Variants in NRF1 observed in about 807,000 individuals in gnomAD.
NRF1 encodes the protein nuclear respiratory factor 1, also known as alpha palindromic-binding protein.
Under a neutral mutation model 58.5 loss-of-function variants are expected in NRF1, and 5 were observed. The observed-to-expected ratio is 0.09, with a 90% CI of 0.04 to 0.18. NRF1 has a LOEUF of 0.18. NRF1 is among the 10% of genes least tolerant of loss of function. The pLI is 1.00. For synonymous variants in NRF1, 224 were observed against 246.7 expected (o/e 0.91, Z 0.86); for missense variants, 288 against 657.7 (o/e 0.44, Z 6.15).
intron 4 of NRF1, among the ~76,000 whole-genome samples, chr7:129,683,857 T>C (rs767472562): frequency 6.6e-6 from 1 of 151,910 alleles, no homozygotes; most frequent in Non-Finnish European, 1.5e-5. Context: ...GGTCTTGAAC[T>C]CCTAACCTCA....
chr7:129,613,328 C>T (rs1036217135), intron 1 of NRF1, among the ~76,000 whole-genome samples: 12 of 151,974 alleles, frequency 7.9e-5, no homozygotes, highest in African/African-American at 2.9e-4. Flanking sequence ...ATTAGTATCC[C>T]GACTCCCTAA....
Position 129,653,201 on chromosome 7 carries a change from T to G in NRF1, c.-6-4145T>G, listed in dbSNP as rs1395389456. On this transcript the variant is annotated intron_variant, in intron 1 of 10. Transcript: ENST00000393232. The stretch of plus-strand genomic sequence containing the variant: ...TTGTTCTTTTTTGTGGCTGGCTTAT[T>G]TCACTGAGCAGAATATCCTCAAGGT... Among the ~76,000 whole-genome samples, 5 of 152,336 alleles carry G rather than the reference T, an allele frequency of 3.3e-5. No homozygotes were observed. In the East Asian group the frequency reaches 9.6e-4, roughly 29 times the overall value.
chr7:129,719,584 C>T (rs562182616), intron 9 of NRF1, among the ~76,000 whole-genome samples: 1 of 151,556 alleles, frequency 6.6e-6, no homozygotes, highest in Admixed American at 6.6e-5. Context: ...CCCTAGTGAT[C>T]AGAACATTTT....
At chr7:129,745,511 C>CA (rs1009190445) in intron 10 of NRF1, among the ~76,000 whole-genome samples, 2 of 149,234 alleles carry the variant, frequency 1.3e-5, no homozygotes, top group Non-Finnish European at 3.0e-5. Context: ...CCTCAACCCC[C>CA]CCCCCATCCA....
intron 5 of NRF1, among the ~76,000 whole-genome samples, chr7:129,698,358 G>A (rs1398409792): frequency 6.6e-6 from 1 of 150,546 alleles, no homozygotes; most frequent in African/African-American, 2.4e-5. Context: ...GGGTCTGCAC[G>A]TTAGAAAACT....
chr7:129,617,411 A>T (rs1158599405), intron 1 of NRF1, among the ~76,000 whole-genome samples: 1 of 152,182 alleles, frequency 6.6e-6, no homozygotes, highest in Non-Finnish European at 1.5e-5. Flanking sequence ...TGCGCAGTGG[A>T]CTAGAAATGG....
At chr7:129,628,484 T>C (rs545042965) in intron 1 of NRF1, among the ~76,000 whole-genome samples, 5 of 152,130 alleles carry the variant, frequency 3.3e-5, no homozygotes, top group South Asian at 4.1e-4. Context: ...AATATTTTAA[T>C]TATGTTACTA....
rs369435699 is a variant in NRF1 at position 129,669,974 on chromosome 7, A to C, written c.224-1455A>C. Among the ~76,000 whole-genome samples the C allele has an allele frequency of 3.9e-5, 6 of 152,322 alleles. 1 individual carries two copies. The highest frequency in any genetic ancestry group is 1.9e-4 in the East Asian group (1 of 5,188). Reference sequence around the variant, plus strand: ...ACCAGCGGATGAATGGCTAAAGCAAATGTGATCTGTATGTACAATGGAACA... The same window carrying C: ...ACCAGCGGATGAATGGCTAAAGCAACTGTGATCTGTATGTACAATGGAACA... On this transcript the variant is annotated intron_variant, in intron 2 of 10. Coordinates refer to ENST00000393232, the MANE Select transcript of NRF1 (RefSeq NM_005011.5).
At chr7:129,710,204 A>G (rs1562978627) in intron 6 of NRF1, among the ~76,000 whole-genome samples, 170 bp from the exon 7 acceptor site, 1 of 152,182 alleles carries the variant, frequency 6.6e-6, no homozygotes, top group Non-Finnish European at 1.5e-5. Context: ...GATACTTCGT[A>G]CACAGCTTCT....
intron 8 of NRF1, among the ~76,000 whole-genome samples, chr7:129,715,615 T>C (rs1803167537): frequency 6.6e-6 from 1 of 152,206 alleles, no homozygotes; most frequent in Non-Finnish European, 1.5e-5. Context: ...TCACATGTAA[T>C]ATACAAAGTA....
chr7:129,651,419 CAAA>C (rs11319951), intron 1 of NRF1, among the ~76,000 whole-genome samples: 2 of 133,818 alleles, frequency 1.5e-5, no homozygotes. Flanking sequence ...GACTCTGTCT[CAAA>C]AAAAAAAAAA....
Position 129,637,596 on chromosome 7 carries a change from A to G in NRF1, c.-6-19750A>G, listed in dbSNP as rs927955371. On this transcript the variant is annotated intron_variant, in intron 1 of 10. Coordinates refer to ENST00000393232, the MANE Select transcript of NRF1 (RefSeq NM_005011.5). Reference sequence around the variant, plus strand: ...TTAATAGTTTTAGTATATCTTTTGAAATTATTTTGTTTGTCCACAACCATA... The same window carrying G: ...TTAATAGTTTTAGTATATCTTTTGAGATTATTTTGTTTGTCCACAACCATA... 7.9e-5 allele frequency among the ~76,000 whole-genome samples: 12 copies of G among 152,328 alleles called. 2 individuals carry two copies. In the South Asian group the frequency reaches 2.5e-3, roughly 32 times the overall value.
intron 1 of NRF1, among the ~76,000 whole-genome samples, chr7:129,620,487 C>T (rs1449903297): frequency 6.6e-6 from 1 of 151,128 alleles, no homozygotes; most frequent in African/African-American, 2.4e-5. Context: ...CTCCCGGGTT[C>T]AAGCGATTCT....
chr7:129,644,671 C>T (rs1801365464), intron 1 of NRF1, among the ~76,000 whole-genome samples: 1 of 152,132 alleles, frequency 6.6e-6, no homozygotes, highest in Non-Finnish European at 1.5e-5. Flanking sequence ...AAAGTTCTAC[C>T]AGACAGTGCT....
intron 1 of NRF1, among the ~76,000 whole-genome samples, chr7:129,619,903 T>TG: frequency 6.6e-6 from 1 of 152,152 alleles, no homozygotes; most frequent in Middle Eastern, 3.4e-3. Context: ...TTTCTGGTTC[T>TG]GGGGTTTATA....
intron 10 of NRF1, among the ~76,000 whole-genome samples, chr7:129,736,014 TAAATA>T (rs1214086386): frequency 6.6e-6 from 1 of 151,864 alleles, no homozygotes; most frequent in East Asian, 1.9e-4. Context: ...AAAAAATAAA[TAAATA>T]AAATACAAAA....
chr7:129,733,239 G>A (rs1008167442), intron 10 of NRF1, among the ~76,000 whole-genome samples: 2 of 152,032 alleles, frequency 1.3e-5, no homozygotes, highest in Non-Finnish European at 2.9e-5. Context: ...AGGCCGAGGC[G>A]GGTGGATCAT....
At chr7:129,695,138 T>TGTAA (rs1802658108) in intron 5 of NRF1, among the ~76,000 whole-genome samples, 1 of 152,186 alleles carries the variant, frequency 6.6e-6, no homozygotes, top group Admixed American at 6.5e-5. Context: ...TTGAGGAGTT[T>TGTAA]AGGGCTTTAT....
intron 10 of NRF1, among the ~76,000 whole-genome samples, chr7:129,737,852 T>G (rs1269970107): frequency 4.6e-5 from 7 of 152,252 alleles, no homozygotes; most frequent in African/African-American, 1.7e-4. Flanking sequence ...GACACTGTGA[T>G]ACTATTTGTA....
Sources: allele counts gnomAD v4.1 joint callset (sites outside exome capture counted in the v4.1 genomes callset), GRCh38; gene constraint gnomAD v4.1.1; transcripts MANE v1.5; gene names NCBI Gene and HGNC (gene_info 2026-07-23, HGNC 2026-07-21).